Variants in SIPA1L3 observed in about 807,000 individuals in gnomAD.
SIPA1L3 encodes the protein signal induced proliferation associated 1 like 3.
SIPA1L3 carries 59 observed loss-of-function variants against 150.1 expected under a neutral mutation model. The observed-to-expected ratio is 0.39, with a 90% CI of 0.32 to 0.49. The LOEUF (loss-of-function observed/expected upper bound fraction) is 0.49, where lower values mean the gene tolerates loss of function less well. Ranked by LOEUF, SIPA1L3 falls within the 20% of genes least tolerant of loss-of-function variation. The pLI is 0.86. For missense variants in SIPA1L3, 2,211 were observed against 2,489.5 expected (o/e 0.89, Z 2.38); for synonymous variants, 1,070 against 1,077.6 (o/e 0.99, Z 0.14).
intron 13 of SIPA1L3, among the ~76,000 whole-genome samples, chr19:38,157,295 A>G (rs1157323360): frequency 2.6e-5 from 4 of 152,212 alleles, no homozygotes; most frequent in South Asian, 2.1e-4. Context: ...TGGATTGTCC[A>G]GTGTGCACAC....
At chr19:38,205,946 G>T (rs2146080825) in intron 21 of SIPA1L3, 151 bp from the exon 22 acceptor site, 1 of 857,186 alleles carries the variant, frequency 1.2e-6, no homozygotes, top group Non-Finnish European at 1.7e-6. Flanking sequence ...TTGTGGAGAG[G>T]CAGAGTGGGA....
intron 20 of SIPA1L3, among the ~76,000 whole-genome samples, chr19:38,202,979 A>T (rs1236054879): frequency 6.6e-6 from 1 of 152,244 alleles, no homozygotes; most frequent in Non-Finnish European, 1.5e-5. Context: ...TAAATGGCAC[A>T]TTCTGCCTGT....
At chr19:37,918,915 T>TAAATAAAC (rs1469693325) in intron 1 of SIPA1L3, among the ~76,000 whole-genome samples, 59 of 136,594 alleles carry the variant, frequency 4.3e-4, no homozygotes, top group African/African-American at 1.2e-3. Context: ...AATAAATAAA[T>TAAATAAAC]AAACAAACTG....
chr19:38,072,568 C>G (rs1600006199), intron 2 of SIPA1L3, among the ~76,000 whole-genome samples: 1 of 152,336 alleles, frequency 6.6e-6, no homozygotes, highest in East Asian at 1.9e-4. Context: ...CACATCTTCT[C>G]AGACTTAGGG....
chr19:38,063,782 G>C (rs1381403795), intron 2 of SIPA1L3, among the ~76,000 whole-genome samples: 1 of 152,150 alleles, frequency 6.6e-6, no homozygotes, highest in Admixed American at 6.5e-5. Flanking sequence ...ATGATAGTGG[G>C]GACACTCAGC....
At chr19:38,070,220 CTA>C (rs1491030924) in intron 2 of SIPA1L3, among the ~76,000 whole-genome samples, 14 of 137,182 alleles carry the variant, frequency 1.0e-4, no homozygotes, top group African/African-American at 3.5e-4. Flanking sequence ...ATCTATCTAT[CTA>C]TTTTTGAGAC....
At chr19:37,931,035 G>A (rs1313366701) in intron 1 of SIPA1L3, among the ~76,000 whole-genome samples, 2 of 152,142 alleles carry the variant, frequency 1.3e-5, no homozygotes, top group Non-Finnish European at 2.9e-5. Context: ...ATGAAAAGAA[G>A]GATGGTAAGA....
intron 20 of SIPA1L3, 94 bp downstream of exon 20, chr19:38,202,091 C>A: frequency 7.7e-7 from 1 of 1,295,752 alleles, no homozygotes; most frequent in Admixed American, 2.5e-5. Flanking sequence ...TGTGGGTCAC[C>A]CCCACCACTC....
chr19:37,997,781 G>A (rs1967676848), intron 1 of SIPA1L3, among the ~76,000 whole-genome samples: 2 of 150,042 alleles, frequency 1.3e-5, no homozygotes, highest in South Asian at 2.1e-4. Flanking sequence ...CGGGAGAATC[G>A]CTTGAACCTG....
intron 4 of SIPA1L3, among the ~76,000 whole-genome samples, chr19:38,089,903 C>G (rs1970223304): frequency 6.6e-6 from 1 of 152,228 alleles, no homozygotes. Context: ...AACTCTGCTT[C>G]TTTAACTCTC....
chr19:38,021,535 A>G (rs1599915446), intron 1 of SIPA1L3, among the ~76,000 whole-genome samples: 1 of 148,060 alleles, frequency 6.8e-6, no homozygotes, highest in African/African-American at 2.5e-5. Context: ...CTGTTAGATG[A>G]GTCTGATCCT....
intron 1 of SIPA1L3, among the ~76,000 whole-genome samples, chr19:37,958,787 T>C (rs2046832632): frequency 6.6e-6 from 1 of 152,230 alleles, no homozygotes; most frequent in Admixed American, 6.5e-5. Flanking sequence ...TTGCAAATCA[T>C]GTCTATAAAG....
chr19:38,156,590 C>T (rs1173393159), intron 13 of SIPA1L3, among the ~76,000 whole-genome samples: 4 of 150,528 alleles, frequency 2.7e-5, no homozygotes, highest in Non-Finnish European at 4.4e-5. Context: ...TTTGGGAGGC[C>T]GAGGCGGGTG....
At chr19:37,925,666 T>A (rs990207956) in intron 1 of SIPA1L3, among the ~76,000 whole-genome samples, 4 of 146,050 alleles carry the variant, frequency 2.7e-5, no homozygotes, top group African/African-American at 1.0e-4. Flanking sequence ...CAATCTTGGC[T>A]CGCTGCAAGC....
intron 1 of SIPA1L3, among the ~76,000 whole-genome samples, chr19:37,982,951 C>T (rs116361248): frequency 1.1e-4 from 16 of 152,246 alleles, no homozygotes; most frequent in Non-Finnish European, 1.9e-4. Flanking sequence ...TTCCTGGGGT[C>T]GAGGGTTCTC....
intron 4 of SIPA1L3, among the ~76,000 whole-genome samples, 167 bp downstream of exon 4, chr19:38,089,018 C>A (rs566840872): frequency 1.3e-5 from 2 of 152,162 alleles, no homozygotes; most frequent in Admixed American, 1.3e-4. Context: ...GAAACTAAGA[C>A]GCAGAATTTA....
At chr19:38,113,870 C>G (rs1037572581) in intron 8 of SIPA1L3, among the ~76,000 whole-genome samples, 1 of 152,134 alleles carries the variant, frequency 6.6e-6, no homozygotes, top group Non-Finnish European at 1.5e-5. Flanking sequence ...CACCAGGTCC[C>G]CTCGTCTGCT....
At chr19:37,995,996 C>T (rs887982687) in intron 1 of SIPA1L3, among the ~76,000 whole-genome samples, 3 of 152,044 alleles carry the variant, frequency 2.0e-5, no homozygotes, top group African/African-American at 7.2e-5. Context: ...TTCACTGTAA[C>T]CTTGAACTCC....
chr19:38,099,610 G>T (rs949843716), intron 4 of SIPA1L3, among the ~76,000 whole-genome samples: 1 of 152,072 alleles, frequency 6.6e-6, no homozygotes, highest in African/African-American at 2.4e-5. Context: ...CCTAGAGTAG[G>T]ACTCAGTGCC....
Sources: allele counts gnomAD v4.1 joint callset (sites outside exome capture counted in the v4.1 genomes callset), GRCh38; gene constraint gnomAD v4.1.1; transcripts MANE v1.5; gene names NCBI Gene and HGNC (gene_info 2026-07-23, HGNC 2026-07-21).